Variants in TGM7 observed in about 807,000 individuals in gnomAD.
TGM7 encodes the protein protein-glutamine gamma-glutamyltransferase Z.
TGM7 carries 74 observed loss-of-function variants against 79.5 expected under a neutral mutation model. That is an observed-to-expected ratio of 0.93 (90% CI 0.77 to 1.13). The LOEUF (loss-of-function observed/expected upper bound fraction) is 1.13, where lower values mean the gene tolerates loss of function less well. Among genes scored for constraint, TGM7 ranks in the 50% most tolerant of loss-of-function variants. TGM7 has a pLI of 0.00. For synonymous variants in TGM7, 354 were observed against 362.5 expected (o/e 0.98, Z 0.27); for missense variants, 912 against 905.9 (o/e 1.01, Z -0.09).
chr15:43,298,821 C>T (rs1566848302), intron 1 of TGM7, among the ~76,000 whole-genome samples: 1 of 152,058 alleles, frequency 6.6e-6, no homozygotes, highest in Non-Finnish European at 1.5e-5. Flanking sequence ...GACCCATGAA[C>T]TTCTCATCTA....
intron 11 of TGM7, 62 bp downstream of exon 11, chr15:43,279,055 C>T (rs893736109): frequency 2.1e-5 from 33 of 1,551,666 alleles, no homozygotes; most frequent in Non-Finnish European, 2.6e-5. Flanking sequence ...GCTGCTGCAC[C>T]CCAGCCCCTG....
rs2042942763 is a variant in TGM7, at chr15:43,287,599, G to T, written c.629C>A (p.Ala210Asp). Reference protein sequence around the residue: ...NKSLYHLKNPAKDCSQRNDVV... With the variant: ...NKSLYHLKNPDKDCSQRNDVV... ...GTCGTTCCGCTGGGAACAGTCTTTG[G>T]CCGGGTTCTTTAAGTGATACAGGCT... The change falls in exon 5 of 13, where the codon GCC (alanine) becomes GAC (aspartate). Residue 210 changes from alanine to aspartate, a missense_variant. By Grantham distance (126) the Ala-to-Asp change is moderately radical. Coordinates refer to ENST00000452443, the MANE Select transcript of TGM7 (RefSeq NM_052955.3). The T allele has an allele frequency of 6.2e-7, 1 of 1,614,158 alleles. No individual in the cohort carries two copies. Among genetic ancestry groups the T allele is most frequent in the Non-Finnish European group, 8.5e-7 (1 of 1,180,046 alleles).
intron 3 of TGM7, 28 bp from the exon 4 acceptor site, chr15:43,292,125 C>T: frequency 6.6e-7 from 1 of 1,508,846 alleles, no homozygotes; most frequent in Non-Finnish European, 9.2e-7. Flanking sequence ...GTGGAGGGGG[C>T]AAAACCCCAA....
At chr15:43,289,512 C>T (rs553985762) in intron 4 of TGM7, among the ~76,000 whole-genome samples, 36 of 152,160 alleles carry the variant, frequency 2.4e-4, no homozygotes, top group African/African-American at 6.7e-4. Flanking sequence ...TGAATTGTGC[C>T]GCAATAAACA....
At chr15:43,282,417 G>T (rs1027794220) in intron 8 of TGM7, 100 bp downstream of exon 8, 1 of 1,042,772 alleles carries the variant, frequency 9.6e-7, no homozygotes, top group Non-Finnish European at 1.4e-6. Flanking sequence ...AGAGGGTGCC[G>T]TGGAAAACGC....
chr15:43,299,929 C>T (rs2043017912), intron 1 of TGM7, among the ~76,000 whole-genome samples: 1 of 152,084 alleles, frequency 6.6e-6, no homozygotes, highest in South Asian at 2.1e-4. Context: ...AGTTCAAGTC[C>T]AAACTCCTTA....
intron 11 of TGM7, 126 bp downstream of exon 11, chr15:43,278,991 C>A (rs1166924442): frequency 7.6e-6 from 8 of 1,051,972 alleles, no homozygotes; most frequent in Non-Finnish European, 9.5e-6. Flanking sequence ...CTAGACCACA[C>A]CATACTGTGC....
chr15:43,291,880 C>T, intron 4 of TGM7, 99 bp downstream of exon 4: 1 of 846,424 alleles, frequency 1.2e-6, no homozygotes. Context: ...TAGTGGCCCT[C>T]TATGAGGGCT....
intron 7 of TGM7, among the ~76,000 whole-genome samples, chr15:43,284,590 C>T (rs915058859): frequency 1.3e-5 from 2 of 152,182 alleles, no homozygotes; most frequent in Non-Finnish European, 2.9e-5. Context: ...GGTTGAGGCC[C>T]CAGAATGTTA....
chr15:43,279,329 G>C (rs1231585955), intron 10 of TGM7, 52 bp from the exon 11 acceptor site: 17 of 1,575,166 alleles, frequency 1.1e-5, no homozygotes, highest in Non-Finnish European at 1.5e-5. Context: ...CAGAGAGAGG[G>C]GGGACATGTA....
chr15:43,281,739 G>T, intron 9 of TGM7, 105 bp downstream of exon 9: 1 of 1,530,622 alleles, frequency 6.5e-7, no homozygotes. Context: ...TTTGCCATGA[G>T]GAAGAGGTGA....
chr15:43,287,705 G>A, intron 4 of TGM7, 36 bp from the exon 5 acceptor site: 2 of 1,591,892 alleles, frequency 1.3e-6, no homozygotes, highest in Non-Finnish European at 1.7e-6. Flanking sequence ...AAAGAGAAGA[G>A]CAAATGTCTA....
chr15:43,287,703 G>A (rs770473968), intron 4 of TGM7, 34 bp from the exon 5 acceptor site: 71 of 1,593,294 alleles, frequency 4.5e-5, no homozygotes, highest in Non-Finnish European at 5.2e-5. Flanking sequence ...AAAAAGAGAA[G>A]AGCAAATGTC....
intron 9 of TGM7, 114 bp from the exon 10 acceptor site, chr15:43,280,065 G>A (rs1596459459): frequency 3.3e-6 from 3 of 911,530 alleles, no homozygotes; most frequent in Non-Finnish European, 5.0e-6. Flanking sequence ...CGCGGCTCAG[G>A]TGCTGCTTGC....
Position 43,297,635 on chromosome 15 carries a change from A to AAGAAAGAAAGAAAGAAAGAG in TGM7, c.11-4005_11-4004insCTCTTTCTTTCTTTCTTTCT, listed in dbSNP as rs5812242. The stretch of plus-strand genomic sequence containing the variant: ...AAAGAAAGAAAGAAAGAAAGAAAGA[A>AAGAAAGAAAGAAAGAAAGAG]AAAGAAAGAAAGAAAAAGACATTGA... On this transcript the variant is annotated intron_variant, in intron 1 of 12. Coordinates refer to ENST00000452443, the MANE Select transcript of TGM7 (RefSeq NM_052955.3). Among the ~76,000 whole-genome samples the AAGAAAGAAAGAAAGAAAGAG allele has an allele frequency of 9.6e-3, 743 of 77,620 alleles. 7 individuals carry two copies. The highest frequency in any genetic ancestry group is 0.016 in the Middle Eastern group (2 of 126). The allele number at this position is 77,620 out of a possible 152,430, so 50.9% of individuals were successfully genotyped here. A position where few individuals can be genotyped will look rare whatever the true frequency, so the allele number is the denominator to read the frequency against.
chr15:43,287,329 C>T lies in TGM7; in HGVS notation c.816G>A (p.Gln272=). The change falls in exon 6 of 13, where the codon CAG becomes CAA. Residue 272 remains glutamine (Q), a synonymous_variant. Transcript: ENST00000452443. ...ILQQWSARGG[Q]PVKYGQCWVF... is the part of the protein sequence containing the mutation. Reference sequence around the variant, plus strand: ...CCCAGCACTGTCCGTACTTCACAGGCTGCCCGCCCCTGGCTGACCACTGCT... The same window carrying T: ...CCCAGCACTGTCCGTACTTCACAGGTTGCCCGCCCCTGGCTGACCACTGCT... 3 of 1,614,094 alleles carry T rather than the reference C, an allele frequency of 1.9e-6. No homozygotes were observed. Among genetic ancestry groups the T allele is most frequent in the Non-Finnish European group, 2.5e-6 (3 of 1,180,034 alleles).
chr15:43,285,205 T>C (rs1337185589), intron 6 of TGM7, among the ~76,000 whole-genome samples: 1 of 152,120 alleles, frequency 6.6e-6, no homozygotes, highest in Non-Finnish European at 1.5e-5. Context: ...TAATCCGACT[T>C]ATCATTTAGG....
At chr15:43,283,485 T>C (rs1357715520) in intron 7 of TGM7, among the ~76,000 whole-genome samples, 1 of 152,248 alleles carries the variant, frequency 6.6e-6, no homozygotes, top group Non-Finnish European at 1.5e-5. Flanking sequence ...TTTTTCTTTT[T>C]TTTTGTAAAT....
chr15:43,289,986 T>G (rs1347027763), intron 4 of TGM7, among the ~76,000 whole-genome samples: 3 of 152,228 alleles, frequency 2.0e-5, no homozygotes, highest in Non-Finnish European at 4.4e-5. Flanking sequence ...ATGAGTAGGT[T>G]GTGAAAATTT....
Sources: gnomAD v4.1 joint callset for allele counts (sites outside exome capture counted in the v4.1 genomes callset) on GRCh38, gnomAD v4.1.1 for gene constraint, MANE v1.5 for transcripts, NCBI Gene and HGNC (gene_info 2026-07-23, HGNC 2026-07-21) for gene names.